PPP1R16B: variants seen among roughly 807,000 people sequenced by gnomAD.
PPP1R16B encodes protein phosphatase 1 regulatory subunit 16B, also known as protein phosphatase 1 regulatory inhibitor subunit 16B.
In PPP1R16B, 14 loss-of-function variants were observed where a neutral mutation model predicts 61.7. The observed-to-expected ratio is 0.23, with a 90% CI of 0.15 to 0.35. The LOEUF is 0.35. Ranked by LOEUF, PPP1R16B falls within the 10% of genes least tolerant of loss-of-function variation. The pLI, the probability that PPP1R16B is intolerant of heterozygous loss-of-function variation, is 1.00. For missense variants in PPP1R16B, 547 were observed against 752.5 expected (o/e 0.73, Z 3.19); for synonymous variants, 266 against 305.3 (o/e 0.87, Z 1.34).
At chr20:38,906,283 GTTTTT>G (rs907617949) in intron 7 of PPP1R16B, among the ~76,000 whole-genome samples, 189 bp downstream of exon 7, 31 of 101,256 alleles carry the variant, frequency 3.1e-4, no homozygotes, top group African/African-American at 1.0e-3. Flanking sequence ...AGCAAGTTGT[GTTTTT>G]TTTTTTTTTT....
At chr20:38,858,965 C>A (rs939535498) in intron 2 of PPP1R16B, among the ~76,000 whole-genome samples, 1 of 152,210 alleles carries the variant, frequency 6.6e-6, no homozygotes, top group Non-Finnish European at 1.5e-5. Context: ...AGCCTCTCTA[C>A]GATGGTGGCC....
chr20:38,879,121 G>A (rs1246062500), intron 2 of PPP1R16B, among the ~76,000 whole-genome samples: 2 of 152,208 alleles, frequency 1.3e-5, no homozygotes, highest in Non-Finnish European at 2.9e-5. Flanking sequence ...GGTAGAATCA[G>A]TAAAGAACAG....
intron 2 of PPP1R16B, among the ~76,000 whole-genome samples, chr20:38,839,972 C>A (rs1246536438): frequency 6.6e-6 from 1 of 152,222 alleles, no homozygotes; most frequent in Admixed American, 6.5e-5. Flanking sequence ...GTGCTAGACC[C>A]CATGGGCTGG....
chr20:38,890,926 C>T (rs1005209837), intron 3 of PPP1R16B, among the ~76,000 whole-genome samples: 4 of 152,168 alleles, frequency 2.6e-5, no homozygotes, highest in African/African-American at 9.7e-5. Context: ...CCTGTGTGTC[C>T]TCTTGGCTTC....
At chr20:38,863,718 G>C (rs2085071110) in intron 2 of PPP1R16B, among the ~76,000 whole-genome samples, 1 of 152,212 alleles carries the variant, frequency 6.6e-6, no homozygotes, top group Non-Finnish European at 1.5e-5. Flanking sequence ...ACAGTGACTG[G>C]TATATAGTAG....
chr20:38,829,766 G>A (rs2084825608), intron 1 of PPP1R16B, among the ~76,000 whole-genome samples: 1 of 152,216 alleles, frequency 6.6e-6, no homozygotes, highest in African/African-American at 2.4e-5. Flanking sequence ...GCAGCACCAT[G>A]GCAGTTCTTT....
Position 38,836,103 on chromosome 20 carries a change from C to T in PPP1R16B, c.178C>T (p.Arg60Cys), listed in dbSNP as rs559211120. The T allele has an allele frequency of 1.2e-6, 2 of 1,612,360 alleles. No homozygotes were observed. The highest frequency in any genetic ancestry group is 1.7e-5 in the Admixed American group (1 of 59,984). Residue 60 changes from arginine to cysteine, a missense_variant, in exon 2 of 11, where the codon CGC becomes TGC. Arg to Cys is a radical substitution (Grantham distance 180, BLOSUM62 -3). Coordinates refer to ENST00000299824, the MANE Select transcript of PPP1R16B (RefSeq NM_015568.4). Reference protein sequence around the residue: ...KHERKRSTGGRRKKVSFEASV... With the variant: ...KHERKRSTGGCRKKVSFEASV... ...TGAGCGGAAGCGCAGCACGGGCGGC[C>T]GCCGCAAGAAAGTGTCCTTCGAGGC...
At chr20:38,816,112 C>T (rs1309602568) in intron 1 of PPP1R16B, among the ~76,000 whole-genome samples, 1 of 151,802 alleles carries the variant, frequency 6.6e-6, no homozygotes, top group African/African-American at 2.4e-5. Flanking sequence ...TGGAGCTTAT[C>T]CTTAGTGGGG....
At chr20:38,847,314 C>T (rs1187313553) in intron 2 of PPP1R16B, among the ~76,000 whole-genome samples, 1 of 152,170 alleles carries the variant, frequency 6.6e-6, no homozygotes, top group Non-Finnish European at 1.5e-5. Context: ...TATTCATAAG[C>T]TTACTGGTCA....
At chr20:38,877,722 C>T (rs138004878) in intron 2 of PPP1R16B, among the ~76,000 whole-genome samples, 7 of 152,258 alleles carry the variant, frequency 4.6e-5, no homozygotes, top group Non-Finnish European at 5.9e-5. Context: ...TAGCCCCAGG[C>T]GACCACTGAT....
intron 10 of PPP1R16B, among the ~76,000 whole-genome samples, chr20:38,909,747 A>C (rs2085474218): frequency 6.6e-6 from 1 of 152,170 alleles, no homozygotes; most frequent in Non-Finnish European, 1.5e-5. Flanking sequence ...TCTCACCAGG[A>C]GGTGTGAAGG....
chr20:38,891,185 C>A (rs75592259), intron 3 of PPP1R16B, among the ~76,000 whole-genome samples: 1 of 152,296 alleles, frequency 6.6e-6, no homozygotes, highest in East Asian at 1.9e-4. Context: ...CTACTGCGTG[C>A]CAGAAAGGTG....
At chr20:38,883,755 A>G (rs76919850) in intron 2 of PPP1R16B, among the ~76,000 whole-genome samples, 6,609 of 152,310 alleles carry the variant, frequency 0.043, 158 homozygotes, top group Middle Eastern at 0.075. Context: ...CATCCAGCAC[A>G]GGGTGGCACA....
At chr20:38,845,658 T>C (rs2084932024) in intron 2 of PPP1R16B, among the ~76,000 whole-genome samples, 1 of 152,042 alleles carries the variant, frequency 6.6e-6, no homozygotes, top group Non-Finnish European at 1.5e-5. Context: ...GTTGGCGTGT[T>C]TGAAGACAGG....
chr20:38,817,053 C>G (rs1321746597), intron 1 of PPP1R16B, among the ~76,000 whole-genome samples: 1 of 152,206 alleles, frequency 6.6e-6, no homozygotes, highest in African/African-American at 2.4e-5. Context: ...GAATACCTAC[C>G]ATGTGCTGGG....
intron 10 of PPP1R16B, among the ~76,000 whole-genome samples, chr20:38,911,398 C>T (rs979011556): frequency 7.0e-6 from 1 of 143,444 alleles, no homozygotes; most frequent in Non-Finnish European, 1.5e-5. Flanking sequence ...GATCTCCTGA[C>T]CTCGTGATCC....
Position 38,914,317 on chromosome 20 carries a change from G to A in PPP1R16B, c.1195-3840G>A, listed in dbSNP as rs370379814. Among the ~76,000 whole-genome samples, 19 of 152,320 alleles carry A rather than the reference G, an allele frequency of 1.2e-4. 1 individual carries two copies. The highest frequency in any genetic ancestry group is 4.6e-4 in the African/African-American group (19 of 41,572). On this transcript the variant is annotated intron_variant, in intron 10 of 10. Transcript: ENST00000299824. ...CCTAGGAAAAGGAGGGGTCGTCTGAGCGTTCTGGAAATCCTATGGGGAAGG... is the reference window on the plus strand; with the variant it reads ...CCTAGGAAAAGGAGGGGTCGTCTGAACGTTCTGGAAATCCTATGGGGAAGG...
chr20:38,842,955 G>A (rs80354878), intron 2 of PPP1R16B, among the ~76,000 whole-genome samples: 3,907 of 152,258 alleles, frequency 0.026, 88 homozygotes, highest in Admixed American at 0.07. Context: ...TAATATTTTG[G>A]TATTGTTGTG....
At position 38,906,302 on chromosome 20, in the gene PPP1R16B, T is replaced by G. The variant is rs1042934228; in HGVS notation, c.822+208T>G. Among the ~76,000 whole-genome samples, 352 of 144,734 alleles carry G rather than the reference T, an allele frequency of 2.4e-3. 4 individuals are homozygous for G. Among genetic ancestry groups the G allele is most frequent in the African/African-American group, 6.6e-3 (259 of 39,324 alleles). 95.0% of individuals were successfully genotyped at this position (144,734 alleles called of 152,430 possible). On this transcript the variant is annotated intron_variant, in intron 7 of 10. Transcript: ENST00000299824. ...AGTTGTGTTTTTTTTTTTTTTTTTT[T>G]TTTTTTTTTGAGATGGAGTCTTGAT...
Sources: gnomAD v4.1 joint callset for allele counts (sites outside exome capture counted in the v4.1 genomes callset) on GRCh38, gnomAD v4.1.1 for gene constraint, MANE v1.5 for transcripts, NCBI Gene and HGNC (gene_info 2026-07-23, HGNC 2026-07-21) for gene names.